Variants in PIDD1 observed in about 807,000 individuals in gnomAD.
PIDD1 encodes p53-induced death domain-containing protein 1.
A neutral mutation model predicts 80.0 loss-of-function variants in PIDD1; 72 were observed. The observed-to-expected ratio is 0.90, with a 90% CI of 0.74 to 1.09. The LOEUF is 1.09. Ranked by LOEUF, PIDD1 falls within the 50% of genes least tolerant of loss-of-function variation. PIDD1 has a pLI of 0.00. For missense variants in PIDD1, 1,329 were observed against 1,228.3 expected (o/e 1.08, Z -1.23); for synonymous variants, 655 against 543.5 (o/e 1.21, Z -2.85).
At chr11:799,610 C>T (rs184599457) in intron 15 of PIDD1, 45 bp from the exon 16 acceptor site, 1 of 1,540,286 alleles carries the variant, frequency 6.5e-7, no homozygotes, top group African/African-American at 1.4e-5. Flanking sequence ...TCCACCTGCC[C>T]AGGACCCCCC....
chr11:800,102 C>A (rs1216811986), intron 14 of PIDD1, 29 bp downstream of exon 14: 8 of 1,606,764 alleles, frequency 5.0e-6, no homozygotes, highest in African/African-American at 1.3e-5. Context: ...TCGGTCCTGC[C>A]CCGCCCCTCT....
chr11:806,409 G>A (rs899862326), upstream of PIDD1, among the ~76,000 whole-genome samples: 1 of 152,110 alleles, frequency 6.6e-6, no homozygotes, highest in African/African-American at 2.4e-5. Flanking sequence ...GGTGTTTAGG[G>A]AGGGAACAGA....
chr11:799,999 C>T lies in PIDD1; in HGVS notation c.2290G>A (p.Glu764Lys), dbSNP rs556597386. ...AGGCCAGCCCCCCGCCGTGGCCCCT[C>T]GGACCCTCGAAGTCTCTGTTGGAAG... ...PIKLPRLRGS[E>K]GPRRGAGLSL... The change falls in exon 15 of 16, where the codon GAG becomes AAG. Residue 764 changes from glutamate to lysine, a missense_variant. Glu to Lys is a moderately conservative substitution (Grantham distance 56). Coordinates refer to ENST00000347755, the MANE Select transcript of PIDD1 (RefSeq NM_145886.4). 3.1e-5 allele frequency: 50 copies of T among 1,612,754 alleles called. No homozygotes were observed. In the Admixed American group the frequency reaches 3.3e-4, roughly 11 times the overall value.
rs533514354 is a variant in PIDD1, at chr11:804,111, C to T, written c.278G>A (p.Arg93His). 63 of 1,610,050 alleles carry T rather than the reference C, an allele frequency of 3.9e-5. No individual in the cohort carries two copies. The highest frequency in any genetic ancestry group is 1.2e-4 in the Admixed American group (7 of 59,678). The change falls in exon 2 of 16, where the codon CGC becomes CAC. Residue 93 changes from arginine to histidine, a missense_variant. By Grantham distance (29) the Arg-to-His change is conservative (BLOSUM62 0). Transcript: ENST00000347755. The part of the protein sequence containing the change: ...AQLPQSLSCL[R>H]SLVLKGGQRR... Reference sequence around the variant, plus strand: ...GAACTCACCTTTGAGGACCAGGGAGCGGAGGCAGGACAGGCTCTGAGGCAG... The same window carrying T: ...GAACTCACCTTTGAGGACCAGGGAGTGGAGGCAGGACAGGCTCTGAGGCAG...
At position 800,981 on chromosome 11, in the gene PIDD1, T is replaced by C; in HGVS notation, c.1766+4A>G. On this transcript the variant is annotated splice_donor_region_variant and intron_variant, in intron 10 of 15. Transcript: ENST00000347755. ...GGGGGCTGAGAAAGCTGGGGGGCAC[T>C]GACCAGGAGAAGTGTGTGACCTGGA... The C allele has an allele frequency of 6.2e-7, 1 of 1,602,570 alleles. No individual in the cohort carries two copies. The highest frequency in any genetic ancestry group is 1.1e-5 in the South Asian group (1 of 89,416).
rs200320448 is a variant in PIDD1, at chr11:801,457, T to C, written c.1470A>G (p.Arg490=). The change falls in exon 8 of 16, where the codon CGA becomes CGG. Residue 490 remains arginine, a synonymous_variant. Coordinates refer to ENST00000347755, the MANE Select transcript of PIDD1 (RefSeq NM_145886.4). ...GTCCTGGCCATACCTGCATGGAGAC[T>C]CGACGAGGCTCCTCAGTGGCCCCAG... ...FPPGATEEPR[R]VSMQVVRMAG... is the part of the protein sequence containing the mutation. The C allele has an allele frequency of 3.0e-5, 46 of 1,543,538 alleles. No homozygotes were observed. The highest frequency in any genetic ancestry group is 2.1e-4 in the East Asian group (9 of 43,264).
At position 803,358 on chromosome 11, in the gene PIDD1, G is replaced by A; in HGVS notation, c.525C>T (p.Phe175=). 1.9e-6 allele frequency: 3 copies of A among 1,614,038 alleles called. No individual in the cohort carries two copies. The highest frequency in any genetic ancestry group is 2.5e-6 in the Non-Finnish European group (3 of 1,180,010). Reference sequence around the variant, plus strand: ...GCAGGCGGTTGTGTGTCACTGTGAGGAAGGTGAGGGCGGGGAGGGCCCCCA... The same window carrying A: ...GCAGGCGGTTGTGTGTCACTGTGAGAAAGGTGAGGGCGGGGAGGGCCCCCA... The part of the protein sequence containing the change: ...EALGALPALT[F]LTVTHNRLQT... The change falls in exon 3 of 16, where the codon TTC becomes TTT. Residue 175 remains phenylalanine, a synonymous_variant. Coordinates refer to ENST00000347755, the MANE Select transcript of PIDD1 (RefSeq NM_145886.4).
At position 802,717 on chromosome 11, in the gene PIDD1, A is replaced by AG. The variant is rs1181364094; in HGVS notation, c.883dup (p.Leu295ProfsTer3). The AG allele has an allele frequency of 6.2e-7, 1 of 1,611,930 alleles. No individual in the cohort carries two copies. Among genetic ancestry groups the AG allele is most frequent in the Non-Finnish European group, 8.5e-7 (1 of 1,179,458 alleles). On this transcript the variant is annotated frameshift_variant, in exon 4 of 16. Coordinates refer to ENST00000347755, the MANE Select transcript of PIDD1 (RefSeq NM_145886.4). LOFTEE classifies it high-confidence loss of function. ...CGGGGCGTCTGGCGAGGCCTCACCC[A>AG]GGGGGTTCCCCTGCAGGCGCACAAA...
chr11:804,666 C>A, intron 1 of PIDD1: 1 of 449,256 alleles, frequency 2.2e-6, no homozygotes, highest in South Asian at 4.1e-5. Flanking sequence ...ACCGCCATGG[C>A]TCGCAGGAGC....
At position 802,004 on chromosome 11, in the gene PIDD1, C is replaced by A. The variant is rs760671860; in HGVS notation, c.1263G>T (p.Trp421Cys). ...VVVRTRNDNS[W>C]GDLETYLEEE... ...CCTCCAGGTAGGTCTCCAGGTCACC[C>A]CAGCTGTTGTCATTCCGGGTCCTGA... The change falls in exon 7 of 16, where the codon TGG (tryptophan) becomes TGT (cysteine). Residue 421 changes from tryptophan (W) to cysteine (C), a missense_variant. Trp to Cys is a radical substitution (Grantham distance 215). Transcript: ENST00000347755. The A allele has an allele frequency of 6.2e-7, 1 of 1,603,712 alleles. No individual in the cohort carries two copies. Among genetic ancestry groups the A allele is most frequent in the Non-Finnish European group, 8.5e-7 (1 of 1,175,786 alleles).
Position 803,220 on chromosome 11 carries a change from C to T in PIDD1, c.663G>A (p.Glu221=). 6.2e-7 allele frequency: 1 copy of T among 1,611,752 alleles called. No homozygotes were observed. The highest frequency in any genetic ancestry group is 8.5e-7 in the Non-Finnish European group (1 of 1,179,750). The change falls in exon 3 of 16, where the codon GAG becomes GAA. Residue 221 remains glutamate (E), a synonymous_variant. Coordinates refer to ENST00000347755, the MANE Select transcript of PIDD1 (RefSeq NM_145886.4). ...PEIGGLGSLL[E]LNLASNRLQS... ...GCAGCCGGTTGGAGGCCAGGTTGAG[C>T]TCCAGGAGGCTGCCCAGGCCTCCAA...
rs1474089425 is a variant in PIDD1, at chr11:802,207, C to T, written c.1164G>A (p.Val388=). ...SHVLELQPHG[V]AFQQDVGLWL... ...GCCCTGTCCATGCCTGCTGGAAGGC[C>T]ACCCCATGGGGCTGCAGCTCCAGCA... Residue 388 remains valine, a synonymous_variant, in exon 6 of 16, where the codon GTG becomes GTA. Coordinates refer to ENST00000347755, the MANE Select transcript of PIDD1 (RefSeq NM_145886.4). 55 of 1,606,408 alleles carry T rather than the reference C, an allele frequency of 3.4e-5. No homozygotes were observed. The highest frequency in any genetic ancestry group is 4.6e-5 in the Non-Finnish European group (54 of 1,177,238).
chr11:802,482 C>A (rs903047310), intron 5 of PIDD1, 61 bp downstream of exon 5: 1 of 1,601,332 alleles, frequency 6.2e-7, no homozygotes, highest in Non-Finnish European at 8.6e-7. Flanking sequence ...GAGAAGGTGT[C>A]GGAGGGGCCA....
Position 799,251 on chromosome 11 carries a change from G to C in PIDD1, c.*56C>G. ...CCACACACTGGAGAGACTTGAAGGTGGGGGCTCTGCCCATCCACTGGGGAA... is the reference window on the plus strand; with the variant it reads ...CCACACACTGGAGAGACTTGAAGGTCGGGGCTCTGCCCATCCACTGGGGAA... On this transcript the variant is annotated 3_prime_UTR_variant, in exon 16 of 16. Coordinates refer to ENST00000347755, the MANE Select transcript of PIDD1 (RefSeq NM_145886.4). 9 of 1,490,514 alleles carry C rather than the reference G, an allele frequency of 6.0e-6. No homozygotes were observed. The highest frequency in any genetic ancestry group is 8.1e-6 in the Non-Finnish European group (9 of 1,115,602). The allele number at this position is 1,490,514 out of a possible 1,614,324, so 92.3% of individuals were successfully genotyped here.
chr11:800,576 C>T lies in PIDD1; in HGVS notation c.2008G>A (p.Ala670Thr). 1 of 1,572,580 alleles carries T rather than the reference C, an allele frequency of 6.4e-7. No individual in the cohort carries two copies. Among genetic ancestry groups the T allele is most frequent in the East Asian group, 2.3e-5 (1 of 44,248 alleles). ...VEMFEGEEFF[A>T]AFERGIDVDA... ...ACGTCGATGCCGCGCTCGAAGGCCG[C>T]AAAGAACTCTTCGCCCTCGAACATC... is the stretch of plus-strand genomic sequence containing the variant. Residue 670 changes from alanine (A) to threonine (T), a missense_variant, in exon 12 of 16, where the codon GCG becomes ACG. Ala to Thr is a moderately conservative substitution (Grantham distance 58). Transcript: ENST00000347755.
chr11:801,851 G>T (rs1263665338), intron 7 of PIDD1, 114 bp downstream of exon 7: 6 of 1,393,862 alleles, frequency 4.3e-6, no homozygotes, highest in Non-Finnish European at 5.9e-6. Context: ...AGGGAAGCAG[G>T]ATCCAGGAGG....
rs966946033 is a variant in PIDD1 at position 802,480 on chromosome 11, G to A, written c.974+63C>T. 1.3e-5 allele frequency: 21 copies of A among 1,601,362 alleles called. No homozygotes were observed. In the Admixed American group the frequency reaches 3.3e-4, roughly 25 times the overall value. On this transcript the variant is annotated intron_variant, in intron 5 of 15. Transcript: ENST00000347755. ...TGGACCCAGGAACTCTGGAGAAGGTGTCGGAGGGGCCAGAGTGACAGGCAG... is the reference window on the plus strand; with the variant it reads ...TGGACCCAGGAACTCTGGAGAAGGTATCGGAGGGGCCAGAGTGACAGGCAG...
intron 1 of PIDD1, 197 bp from the exon 2 acceptor site, chr11:804,660 C>T: frequency 8.5e-6 from 4 of 468,106 alleles, no homozygotes; most frequent in Non-Finnish European, 1.5e-5. Context: ...AATGGGACCG[C>T]CATGGCTCGC....
Position 802,701 on chromosome 11 carries a change from T to C in PIDD1, c.900A>G (p.Pro300=). 6.2e-7 allele frequency: 1 copy of C among 1,610,962 alleles called. No individual in the cohort carries two copies. The highest frequency in any genetic ancestry group is 1.1e-5 in the South Asian group (1 of 90,662). ...GCCTACCTGGTGAACTCGGGGCGTC[T>C]GGCGAGGCCTCACCCAGGGGGTTCC... The part of the protein sequence containing the change: ...LQGNPLGEAS[P]DAPSSPVAAL... The change falls in exon 4 of 16, where the codon CCA becomes CCG. Residue 300 remains proline (P), a synonymous_variant. Transcript: ENST00000347755.
Sources: allele counts gnomAD v4.1 joint callset (sites outside exome capture counted in the v4.1 genomes callset), GRCh38; gene constraint gnomAD v4.1.1; transcripts MANE v1.5; gene names NCBI Gene and HGNC (gene_info 2026-07-23, HGNC 2026-07-21).